Variants in CDYL2 observed in about 807,000 individuals in gnomAD.
CDYL2 encodes the protein chromodomain Y-like protein 2.
Under a neutral mutation model 49.4 loss-of-function variants are expected in CDYL2, and 23 were observed. The ratio of observed to expected loss-of-function variants is 0.47; its 90% confidence interval spans 0.34 to 0.66. The LOEUF (loss-of-function observed/expected upper bound fraction) is 0.66, where lower values mean the gene tolerates loss of function less well. Among genes scored for constraint, CDYL2 ranks in the 30% least tolerant of loss-of-function variants. The probability of loss-of-function intolerance (pLI) is 0.01; values close to 1 mark genes in which losing one functional copy is unlikely to be tolerated. For missense variants in CDYL2, 678 were observed against 656.4 expected (o/e 1.03, Z -0.36); for synonymous variants, 360 against 268.8 (o/e 1.34, Z -3.32).
At chr16:80,620,647 T>A in intron 4 of CDYL2, 116 bp downstream of exon 4, 1 of 987,924 alleles carries the variant, frequency 1.0e-6, no homozygotes. Context: ...AGGATATACT[T>A]ATGCTAAAAA....
intron 6 of CDYL2, 150 bp from the exon 7 acceptor site, chr16:80,604,696 T>A (rs1906254233): frequency 4.0e-6 from 3 of 754,836 alleles, no homozygotes; most frequent in Non-Finnish European, 6.6e-6. Flanking sequence ...GTCCCATGTT[T>A]CCAGCACGGC....
intron 2 of CDYL2, among the ~76,000 whole-genome samples, chr16:80,666,299 C>T (rs1022301667): frequency 1.3e-5 from 2 of 152,188 alleles, no homozygotes; most frequent in African/African-American, 2.4e-5. Flanking sequence ...TCTTACAATA[C>T]TTCCTGTAAC....
At chr16:80,748,443 C>G (rs1231967345) in intron 1 of CDYL2, among the ~76,000 whole-genome samples, 1 of 126,852 alleles carries the variant, frequency 7.9e-6, no homozygotes, top group African/African-American at 2.9e-5. Context: ...AGGAGAATGG[C>G]GTGAACCTGG....
intron 1 of CDYL2, among the ~76,000 whole-genome samples, chr16:80,788,355 ATGCTTTCCC>A (rs1907501629): frequency 6.6e-6 from 1 of 152,202 alleles, no homozygotes; most frequent in African/African-American, 2.4e-5. Flanking sequence ...ATTCAAAGAG[ATGCTTTCCC>A]ATCCTGATTA....
chr16:80,612,548 C>T lies in CDYL2; in HGVS notation c.1218+78G>A, dbSNP rs1052153557. Reference sequence around the variant, plus strand: ...GCTGACAACACCCTCAGGTTTCTAGCCCCATGAAGAGCCCCTAAACCCAAG... The same window carrying T: ...GCTGACAACACCCTCAGGTTTCTAGTCCCATGAAGAGCCCCTAAACCCAAG... On this transcript the variant is annotated intron_variant, in intron 5 of 6. Transcript: ENST00000570137. The surrounding 1 kb of genome is among the most constrained non-coding windows in gnomAD (Gnocchi z 5.0). 6 of 1,394,338 alleles carry T rather than the reference C, an allele frequency of 4.3e-6. No individual in the cohort carries two copies. In the African/African-American group the frequency reaches 7.2e-5, roughly 17 times the overall value. The allele number at this position is 1,394,338 out of a possible 1,614,324, so 86.4% of individuals were successfully genotyped here. A position where few individuals can be genotyped will look rare whatever the true frequency, so the allele number is the denominator to read the frequency against.
intron 1 of CDYL2, among the ~76,000 whole-genome samples, chr16:80,768,489 G>T (rs1160046201): frequency 6.6e-6 from 1 of 152,198 alleles, no homozygotes; most frequent in Admixed American, 6.5e-5. Flanking sequence ...CAAGATCAAG[G>T]CCCCAGTGGA....
At chr16:80,657,458 A>G (rs1908859497) in intron 2 of CDYL2, among the ~76,000 whole-genome samples, 1 of 152,208 alleles carries the variant, frequency 6.6e-6, no homozygotes, top group Admixed American at 6.5e-5. Context: ...CCTTCAGGAA[A>G]AAATGAACAA....
Position 80,630,888 on chromosome 16 carries a change from C to T in CDYL2, c.834+2131G>A, listed in dbSNP as rs149382093. Among the ~76,000 whole-genome samples the T allele has an allele frequency of 3.0e-3, 456 of 152,268 alleles. 1 individual carries two copies. The highest frequency in any genetic ancestry group is 4.7e-3 in the Non-Finnish European group (320 of 68,018). Reference sequence around the variant, plus strand: ...CACTTCCTATGCCTCCCTGATGGTACGGGGTACACTGGACAATGCTAGGTC... The same window carrying T: ...CACTTCCTATGCCTCCCTGATGGTATGGGGTACACTGGACAATGCTAGGTC... On this transcript the variant is annotated intron_variant, in intron 3 of 6. Coordinates refer to ENST00000570137, the MANE Select transcript of CDYL2 (RefSeq NM_152342.4).
At chr16:80,709,845 T>G (rs1257672309) in intron 1 of CDYL2, among the ~76,000 whole-genome samples, 1 of 152,176 alleles carries the variant, frequency 6.6e-6, no homozygotes, top group Non-Finnish European at 1.5e-5. Flanking sequence ...ACTGAGCCAC[T>G]GACAACATTT....
intron 5 of CDYL2, among the ~76,000 whole-genome samples, chr16:80,610,941 G>A (rs1906567784): frequency 6.6e-6 from 1 of 152,108 alleles, no homozygotes; most frequent in Non-Finnish European, 1.5e-5. Context: ...GGCATGCCAG[G>A]CTCGCAGGGG....
chr16:80,703,742 C>A (rs1414212703), intron 1 of CDYL2, among the ~76,000 whole-genome samples: 3 of 152,144 alleles, frequency 2.0e-5, no homozygotes, highest in Non-Finnish European at 4.4e-5. Context: ...TACAGGCTCC[C>A]CTAAGTCCTG....
intron 2 of CDYL2, among the ~76,000 whole-genome samples, chr16:80,670,780 T>G (rs1182698904): frequency 6.6e-6 from 1 of 152,062 alleles, no homozygotes; most frequent in African/African-American, 2.4e-5. Context: ...ATAAAAAGTG[T>G]GAATCGAGGC....
intron 1 of CDYL2, among the ~76,000 whole-genome samples, chr16:80,764,722 T>A (rs188360496): frequency 6.6e-6 from 1 of 151,966 alleles, no homozygotes; most frequent in Non-Finnish European, 1.5e-5. Context: ...ATAATAATAA[T>A]TAAGTGGGTC....
chr16:80,649,481 G>T (rs981767659), intron 2 of CDYL2, among the ~76,000 whole-genome samples: 3 of 152,120 alleles, frequency 2.0e-5, no homozygotes, highest in Non-Finnish European at 4.4e-5. Flanking sequence ...GAAAGAAATT[G>T]AAGAGGACGC....
intron 1 of CDYL2, among the ~76,000 whole-genome samples, chr16:80,762,658 C>A (rs1906571810): frequency 6.6e-6 from 1 of 152,162 alleles, no homozygotes. Flanking sequence ...TTTGTAACCC[C>A]AAAATTATCC....
At chr16:80,670,846 G>C in intron 2 of CDYL2, 1 of 450,500 alleles carries the variant, frequency 2.2e-6, no homozygotes, top group Non-Finnish European at 4.5e-6. Flanking sequence ...ACACGAGGAA[G>C]ATAAAAGGGG....
intron 5 of CDYL2, among the ~76,000 whole-genome samples, chr16:80,610,121 G>A (rs960609825): frequency 7.9e-5 from 12 of 152,098 alleles, no homozygotes; most frequent in African/African-American, 2.9e-4. Context: ...AGAACAAGGG[G>A]GAATATCAAG....
chr16:80,786,920 G>C (rs753667048), intron 1 of CDYL2, among the ~76,000 whole-genome samples: 7 of 152,058 alleles, frequency 4.6e-5, no homozygotes, highest in African/African-American at 9.7e-5. Context: ...GGGCCTGTGG[G>C]GGGTGGGGGG....
intron 3 of CDYL2, among the ~76,000 whole-genome samples, chr16:80,630,890 G>C (rs1237442882): frequency 2.0e-5 from 3 of 152,148 alleles, no homozygotes; most frequent in Admixed American, 6.5e-5. Flanking sequence ...TGATGGTACG[G>C]GGTACACTGG....
Sources: allele counts gnomAD v4.1 joint callset (sites outside exome capture counted in the v4.1 genomes callset), GRCh38; gene constraint gnomAD v4.1.1; non-coding constraint Gnocchi (gnomAD v3.1); transcripts MANE v1.5; gene names NCBI Gene and HGNC (gene_info 2026-07-23, HGNC 2026-07-21).